Variants in TANC1 observed in about 807,000 individuals in gnomAD.
TANC1 encodes protein TANC1.
In TANC1, 77 loss-of-function variants were observed where a neutral mutation model predicts 149.7. The ratio of observed to expected loss-of-function variants is 0.51; its 90% confidence interval spans 0.43 to 0.62. TANC1 has a LOEUF of 0.62. TANC1 is among the 20% of genes least tolerant of loss of function. The pLI, the probability that TANC1 is intolerant of heterozygous loss-of-function variation, is 0.00. For missense variants in TANC1, 1,985 were observed against 2,321.8 expected, an observed-to-expected ratio of 0.85 and a Z score of 2.98; for synonymous variants, 854 against 925.0, an observed-to-expected ratio of 0.92 and a Z score of 1.39.
Position 159,219,972 on chromosome 2 carries a change from C to CAGAG in TANC1, c.3678+108_3678+111dup, listed in dbSNP as rs199599678. On this transcript the variant is annotated intron_variant, in intron 22 of 26. Transcript: ENST00000263635. ...GCATGAGGTTGTGTCTCAGTGTCATCAGAGAGTGTGTGTGTGTGTGTGTGT... is the reference window on the plus strand; with the variant it reads ...GCATGAGGTTGTGTCTCAGTGTCATCAGAGAGAGAGTGTGTGTGTGTGTGTGTGT... The CAGAG allele has an allele frequency of 1.4e-4, 109 of 773,708 alleles. No individual in the cohort carries two copies. The African/African-American group carries it at 1.6e-3, about 11-fold the overall frequency. 47.9% of individuals were successfully genotyped at this position (773,708 alleles called of 1,614,324 possible). A position where few individuals can be genotyped will look rare whatever the true frequency, so the allele number is the denominator to read the frequency against.
At chr2:159,097,567 A>T in intron 3 of TANC1, 70 bp from the exon 4 acceptor site, 1 of 1,150,680 alleles carries the variant, frequency 8.7e-7, no homozygotes, top group Non-Finnish European at 1.3e-6. Context: ...AATATAGTTT[A>T]TAGGAGTTAA....
chr2:159,098,829 GA>G (rs1183235979), intron 4 of TANC1, among the ~76,000 whole-genome samples: 1 of 149,462 alleles, frequency 6.7e-6, no homozygotes, highest in Non-Finnish European at 1.5e-5. Context: ...AAAATTCTTG[GA>G]TTTTTTTTTT....
At chr2:159,160,558 C>G (rs1406159098) in intron 7 of TANC1, among the ~76,000 whole-genome samples, 1 of 152,156 alleles carries the variant, frequency 6.6e-6, no homozygotes, top group Non-Finnish European at 1.5e-5. Flanking sequence ...TGCAGGGAAG[C>G]CAGACTGATT....
intron 19 of TANC1, among the ~76,000 whole-genome samples, chr2:159,210,876 A>ATT (rs536087371): frequency 5.2e-5 from 6 of 114,770 alleles, no homozygotes; most frequent in South Asian, 2.7e-4. Flanking sequence ...TGATCTTTTA[A>ATT]TTTTTTTTTT....
At chr2:159,172,381 A>G (rs986758814) in intron 11 of TANC1, 109 bp downstream of exon 11, 2 of 967,326 alleles carry the variant, frequency 2.1e-6, no homozygotes. Context: ...CTGCTTAATG[A>G]TAAAGTATAG....
At chr2:159,097,962 AAAT>A in intron 4 of TANC1, 128 bp downstream of exon 4, 1 of 773,936 alleles carries the variant, frequency 1.3e-6, no homozygotes, top group East Asian at 2.7e-5. Context: ...CTTCTAGAAG[AAAT>A]AAATCTTTTT....
chr2:159,172,130 C>A lies in TANC1; in HGVS notation c.1361C>A (p.Pro454His), dbSNP rs1166485677. ...GGGTCTTTCTCTGCAGCCTCTGACC[C>A]CACTCAGGATCTTCATTTCACTCCG... is the stretch of plus-strand genomic sequence containing the variant. ...SPGSSPKTSD[P>H]TQDLHFTPLL... Residue 454 changes from proline (P) to histidine (H), a missense_variant, in exon 11 of 27, where the codon CCC becomes CAC. This residue lies in a region of TANC1 where 557 missense variants were observed against 612.9 expected (regional missense o/e 0.91). Coordinates refer to ENST00000263635, the MANE Select transcript of TANC1 (RefSeq NM_033394.3). The A allele has an allele frequency of 3.1e-6, 5 of 1,614,096 alleles. No homozygotes were observed. Among genetic ancestry groups the A allele is most frequent in the Non-Finnish European group, 3.4e-6 (4 of 1,179,978 alleles).
intron 1 of TANC1, among the ~76,000 whole-genome samples, chr2:158,980,402 G>A (rs1156532526): frequency 6.6e-6 from 1 of 151,626 alleles, no homozygotes; most frequent in Non-Finnish European, 1.5e-5. Context: ...GACTAACTTT[G>A]CTATGCATTT....
At chr2:159,139,755 AGTCT>A (rs2051159872) in intron 5 of TANC1, among the ~76,000 whole-genome samples, 1 of 152,216 alleles carries the variant, frequency 6.6e-6, no homozygotes, top group African/African-American at 2.4e-5. Flanking sequence ...TTTTCCTGGC[AGTCT>A]GACTAAGCAA....
intron 3 of TANC1, among the ~76,000 whole-genome samples, chr2:159,095,932 A>G (rs1340786800): frequency 6.6e-6 from 1 of 152,050 alleles, no homozygotes; most frequent in East Asian, 1.9e-4. Flanking sequence ...TGCAGAATTT[A>G]GTTCCTGCCT....
chr2:159,149,441 G>C, intron 6 of TANC1, 169 bp downstream of exon 6: 1 of 886,370 alleles, frequency 1.1e-6, no homozygotes, highest in Non-Finnish European at 1.8e-6. Flanking sequence ...TTTTGCAGTG[G>C]GGAGGTAGGG....
chr2:159,206,096 C>T (rs541656105), intron 19 of TANC1, among the ~76,000 whole-genome samples: 77 of 152,310 alleles, frequency 5.1e-4, no homozygotes, highest in Admixed American at 9.1e-4. Context: ...GAACTATCCT[C>T]GGCAAAGCAA....
At chr2:159,148,992 C>T in intron 5 of TANC1, 150 bp from the exon 6 acceptor site, 1 of 825,600 alleles carries the variant, frequency 1.2e-6, no homozygotes, top group Non-Finnish European at 1.9e-6. Flanking sequence ...GAATGTATTG[C>T]TAGAGGACAG....
chr2:159,128,980 G>T (rs1298010013), intron 4 of TANC1, among the ~76,000 whole-genome samples: 1 of 151,944 alleles, frequency 6.6e-6, no homozygotes. Flanking sequence ...TCCTCATCTT[G>T]TGAAATTTCC....
rs1038156872 is a variant in TANC1, at chr2:159,001,462, A to T, written c.-16+273A>T. 2.0e-5 allele frequency among the ~76,000 whole-genome samples: 3 copies of T among 152,196 alleles called. No homozygotes were observed. Among genetic ancestry groups the T allele is most frequent in the African/African-American group, 7.2e-5 (3 of 41,446 alleles). ...GGATGGTGCTGATGGTTGCAGAAGG[A>T]CGTGCTTAGTGCTACTGAACTATAT... On this transcript the variant is annotated intron_variant, in intron 2 of 26. Transcript: ENST00000263635. The surrounding 1 kb of genome is among the most constrained non-coding windows in gnomAD (Gnocchi z 4.3).
At chr2:159,041,101 A>G (rs1469073738) in intron 2 of TANC1, among the ~76,000 whole-genome samples, 2 of 152,104 alleles carry the variant, frequency 1.3e-5, no homozygotes, top group Admixed American at 1.3e-4. Context: ...AGGCTGCAGA[A>G]CAGCAAATAT....
intron 1 of TANC1, among the ~76,000 whole-genome samples, chr2:158,979,851 T>C (rs1362392589): frequency 6.6e-6 from 1 of 152,230 alleles, no homozygotes; most frequent in Non-Finnish European, 1.5e-5. Flanking sequence ...GATTTCATAT[T>C]GTAGAAAGAG....
Position 159,071,301 on chromosome 2 carries a change from A to G in TANC1, c.61+5330A>G, listed in dbSNP as rs542165860. On this transcript the variant is annotated intron_variant, in intron 3 of 26. Transcript: ENST00000263635. ...ATAGTTCCTTAATGTGCCAAAATAA[A>G]AACTGTTTATGTTAAGTCTTTTATT... 5.4e-3 allele frequency among the ~76,000 whole-genome samples: 817 copies of G among 152,318 alleles called. 3 individuals carry two copies. The highest frequency in any genetic ancestry group is 9.5e-3 in the Non-Finnish European group (643 of 68,032).
intron 2 of TANC1, among the ~76,000 whole-genome samples, chr2:159,031,867 A>T (rs954789822): frequency 1.3e-4 from 20 of 152,370 alleles, no homozygotes; most frequent in African/African-American, 4.8e-4. Context: ...TGTATGTCAT[A>T]CAGATTAGAT....
Sources: allele counts gnomAD v4.1 joint callset (sites outside exome capture counted in the v4.1 genomes callset), GRCh38; gene constraint gnomAD v4.1.1; regional missense constraint gnomAD v4.1.1; non-coding constraint Gnocchi (gnomAD v3.1); transcripts MANE v1.5; gene names NCBI Gene and HGNC (gene_info 2026-07-23, HGNC 2026-07-21).